Variants in RUNX1T1 observed in about 807,000 individuals in gnomAD.
RUNX1T1 encodes RUNX1 partner transcriptional co-repressor 1.
Under a neutral mutation model 62.8 loss-of-function variants are expected in RUNX1T1, and 4 were observed. That is an observed-to-expected ratio of 0.06 (90% CI 0.03 to 0.15). The LOEUF (loss-of-function observed/expected upper bound fraction) is 0.15, where lower values mean the gene tolerates loss of function less well. RUNX1T1 is among the 10% of genes least tolerant of loss of function. The probability of loss-of-function intolerance (pLI) is 1.00; values close to 1 mark genes in which losing one functional copy is unlikely to be tolerated. For missense variants in RUNX1T1, 508 were observed against 754.3 expected (o/e 0.67, Z 3.82); for synonymous variants, 291 against 286.0 (o/e 1.02, Z -0.18).
intron 8 of RUNX1T1, among the ~76,000 whole-genome samples, chr8:91,976,252 G>A (rs1389838667): frequency 6.6e-6 from 1 of 152,174 alleles, no homozygotes; most frequent in East Asian, 1.9e-4. Flanking sequence ...TGGGAACACT[G>A]TTCTCAGCAC....
At chr8:92,006,040 C>T (rs1820707743) in intron 4 of RUNX1T1, 1 of 147,968 alleles carries the variant, frequency 6.8e-6, no homozygotes, top group South Asian at 2.1e-4. Flanking sequence ...TAGAAGAAAT[C>T]CTGTATACTG....
chr8:92,039,509 C>G (rs912622358), intron 1 of RUNX1T1, among the ~76,000 whole-genome samples: 1 of 152,076 alleles, frequency 6.6e-6, no homozygotes, highest in African/African-American at 2.4e-5. Flanking sequence ...CTCTTTATAC[C>G]ACTTGTTTTC....
chr8:91,993,051 C>A (rs1817981847), intron 5 of RUNX1T1, among the ~76,000 whole-genome samples: 1 of 152,194 alleles, frequency 6.6e-6, no homozygotes, highest in Admixed American at 6.5e-5. Flanking sequence ...TATCTTTAGA[C>A]AGGTGGTAAC....
intron 1 of RUNX1T1, among the ~76,000 whole-genome samples, chr8:92,043,191 GC>G (rs1400811680): frequency 1.3e-5 from 2 of 151,944 alleles, no homozygotes; most frequent in Non-Finnish European, 2.9e-5. Flanking sequence ...ATAGCATTCT[GC>G]CCCCTCCAAA....
intron 6 of RUNX1T1, 113 bp downstream of exon 7, chr8:91,991,526 T>A: frequency 8.6e-7 from 1 of 1,159,650 alleles, no homozygotes; most frequent in Non-Finnish European, 1.2e-6. Context: ...AAGCAAGATA[T>A]GAGAATCTTC....
At chr8:92,060,569 G>A in intron 1 of RUNX1T1, among the ~76,000 whole-genome samples, 1 of 137,654 alleles carries the variant, frequency 7.3e-6, no homozygotes, top group Non-Finnish European at 1.6e-5. Context: ...GTGTGTGTGT[G>A]TGTGTGTGTG....
upstream of RUNX1T1, among the ~76,000 whole-genome samples, chr8:92,102,651 C>T (rs376998296): frequency 6.6e-6 from 1 of 152,162 alleles, no homozygotes. The surrounding 1 kb of genome is among the most constrained non-coding windows in gnomAD (Gnocchi z 4.5). Flanking sequence ...CCGCGAAGTT[C>T]AGTGTCATCG....
chr8:92,054,194 T>G (rs1178988271), intron 1 of RUNX1T1, among the ~76,000 whole-genome samples: 1 of 151,884 alleles, frequency 6.6e-6, no homozygotes, highest in Non-Finnish European at 1.5e-5. Flanking sequence ...GTGATCACCA[T>G]TCTAAGTTTG....
Position 92,050,132 on chromosome 8 carries a change from G to A in RUNX1T1, c.7+12414C>T, listed in dbSNP as rs570731037. Among the ~76,000 whole-genome samples, 28 of 152,172 alleles carry A rather than the reference G, an allele frequency of 1.8e-4. No individual in the cohort carries two copies. The South Asian group carries it at 5.2e-3, about 28-fold the overall frequency. ...TAAAGTAAATGATAGACTGTTATTC[G>A]TAAAAGAAATCAAATTCACTGAAAT... On this transcript the variant is annotated intron_variant, in intron 1 of 10. Coordinates refer to ENST00000396218, the Ensembl canonical transcript of RUNX1T1.
intron 1 of RUNX1T1, among the ~76,000 whole-genome samples, chr8:92,032,360 A>G (rs894966141): frequency 4.6e-5 from 7 of 152,142 alleles, no homozygotes; most frequent in Non-Finnish European, 8.8e-5. Context: ...GTCTCATGCC[A>G]TATATTCAAA....
chr8:92,016,375 G>A (rs756337199), intron 2 of RUNX1T1, among the ~76,000 whole-genome samples: 6 of 151,730 alleles, frequency 4.0e-5, no homozygotes, highest in African/African-American at 9.7e-5. Flanking sequence ...AGTCTGACAG[G>A]TTCAAGACAA....
intron 4 of RUNX1T1, chr8:92,006,510 C>T (rs1820803072): frequency 6.6e-6 from 1 of 152,046 alleles, no homozygotes; most frequent in Non-Finnish European, 1.5e-5. Context: ...GCCCAACAGC[C>T]TTAAAAAATA....
At chr8:92,088,499 C>G (rs1407583276) in intron 1 of RUNX1T1, among the ~76,000 whole-genome samples, 2 of 152,162 alleles carry the variant, frequency 1.3e-5, no homozygotes, top group Admixed American at 1.3e-4. Context: ...TTCTGATACT[C>G]CACTTGTCAA....
intron 1 of RUNX1T1, among the ~76,000 whole-genome samples, chr8:92,048,924 C>T (rs76588791): frequency 2.4e-4 from 37 of 152,248 alleles, no homozygotes; most frequent in African/African-American, 8.7e-4. Flanking sequence ...AATATTATAG[C>T]GCCTAAGCCA....
At chr8:91,962,257 CA>C (rs1280380192) in intron 10 of RUNX1T1, among the ~76,000 whole-genome samples, 1 of 151,252 alleles carries the variant, frequency 6.6e-6, no homozygotes, top group Non-Finnish European at 1.5e-5. Flanking sequence ...CAGAAAAGCT[CA>C]AACAAAAAAC....
upstream of RUNX1T1, chr8:92,103,094 C>T (rs1007604627): frequency 5.5e-5 from 24 of 432,780 alleles, no homozygotes; most frequent in African/African-American, 4.8e-4. Flanking sequence ...GTGCAAAAAG[C>T]CCGGGGTCGG....
chr8:92,066,534 A>C (rs777941606), upstream of RUNX1T1, among the ~76,000 whole-genome samples: 29 of 152,188 alleles, frequency 1.9e-4, no homozygotes, highest in Non-Finnish European at 2.9e-5. Context: ...AAACCTACCT[A>C]ATGTGTGAGT....
intron 1 of RUNX1T1, among the ~76,000 whole-genome samples, chr8:92,094,396 A>T (rs1837483389): frequency 6.6e-6 from 1 of 152,226 alleles, no homozygotes; most frequent in Admixed American, 6.5e-5. Flanking sequence ...TGAGTCAATA[A>T]GACATGTTTT....
chr8:91,983,094 A>ATT (rs955471383), intron 8 of RUNX1T1, among the ~76,000 whole-genome samples: 1 of 142,302 alleles, frequency 7.0e-6, no homozygotes, highest in African/African-American at 2.6e-5. Context: ...TGCCTGGCTA[A>ATT]TTTTTTTTTT....
Sources: gnomAD v4.1 joint callset for allele counts (sites outside exome capture counted in the v4.1 genomes callset) on GRCh38, gnomAD v4.1.1 for gene constraint, Gnocchi (gnomAD v3.1) non-coding constraint, MANE v1.5 for transcripts, NCBI Gene and HGNC (gene_info 2026-07-23, HGNC 2026-07-21) for gene names.